Variants in DYNC2I2 observed in about 807,000 individuals in gnomAD.
DYNC2I2 encodes the protein dynein 2 intermediate chain 2.
A neutral mutation model predicts 52.0 loss-of-function variants in DYNC2I2; 39 were observed. That is an observed-to-expected ratio of 0.75 (90% CI 0.58 to 0.98). The LOEUF is 0.98. DYNC2I2 is among the 50% of genes least tolerant of loss of function. DYNC2I2 has a pLI of 0.00. For missense variants in DYNC2I2, 743 were observed against 728.4 expected, an observed-to-expected ratio of 1.02 and a Z score of -0.23; for synonymous variants, 359 against 321.1, an observed-to-expected ratio of 1.12 and a Z score of -1.26.
At chr9:128,661,750 A>G (rs539416428), upstream of DYNC2I2, among the ~76,000 whole-genome samples, 49 of 151,764 alleles carry the variant, frequency 3.2e-4, no homozygotes, top group African/African-American at 1.2e-3. Context: ...TGAATGTCTG[A>G]AAAAAAGCCG....
chr9:128,672,102 T>C, the DYNC2I2 span, among the ~76,000 whole-genome samples: 3 of 151,496 alleles, frequency 2.0e-5, no homozygotes, highest in Admixed American at 2.0e-4. Context: ...GCCTCCCGAG[T>C]AGCTGGGACT....
chr9:128,646,999 C>T (rs1250295683), intron 1 of DYNC2I2, among the ~76,000 whole-genome samples: 1 of 152,064 alleles, frequency 6.6e-6, no homozygotes, highest in African/African-American at 2.4e-5. Flanking sequence ...GTGGAGCGTG[C>T]CTGTAATCCC....
the DYNC2I2 span, among the ~76,000 whole-genome samples, chr9:128,668,238 C>T: frequency 8.9e-5 from 13 of 146,836 alleles, no homozygotes; most frequent in Admixed American, 1.4e-4. Flanking sequence ...GGATTACAGG[C>T]GTGAGCCACC....
chr9:128,682,706 C>T, the DYNC2I2 span, among the ~76,000 whole-genome samples: 80 of 138,318 alleles, frequency 5.8e-4, no homozygotes, highest in African/African-American at 2.0e-3. Context: ...GACGGAGTCT[C>T]GCTCTGTCGC....
In DYNC2I2 at chr9:128,656,622, T is replaced by G. The variant is rs1045358904; in HGVS notation, c.105A>C (p.Pro35=). The part of the protein sequence containing the change: ...GVASGPGPGR[P]GPLQDETLGV... ...CCAGGGTCTCGTCCTGCAGCGGCCC[T>G]GGCCGCCCCGGCCCCGGGCCGCTCG... is the stretch of plus-strand genomic sequence containing the variant. Residue 35 remains proline, a synonymous_variant, in exon 1 of 9, where the codon CCA becomes CCC. Transcript: ENST00000372715. The G allele has an allele frequency of 1.3e-6, 2 of 1,498,260 alleles. No individual in the cohort carries two copies. Among genetic ancestry groups the G allele is most frequent in the Non-Finnish European group, 1.8e-6 (2 of 1,131,592 alleles). 92.8% of individuals were successfully genotyped at this position (1,498,260 alleles called of 1,614,324 possible). A position where few individuals can be genotyped will look rare whatever the true frequency, so the allele number is the denominator to read the frequency against.
chr9:128,672,431 TG>T, the DYNC2I2 span, among the ~76,000 whole-genome samples: 1,636 of 150,628 alleles, frequency 0.011, 73 homozygotes, highest in East Asian at 0.16. Flanking sequence ...TGACCTCAGG[TG>T]ATGTGCCCGC....
At chr9:128,644,893 G>A (rs529403378) in intron 1 of DYNC2I2, among the ~76,000 whole-genome samples, 17 of 152,222 alleles carry the variant, frequency 1.1e-4, no homozygotes, top group African/African-American at 3.4e-4. Flanking sequence ...GATCTTTTAC[G>A]TTACTACAGT....
Position 128,656,744 on chromosome 9 carries a change from C to G in DYNC2I2, c.-18G>C. The G allele has an allele frequency of 7.4e-7, 1 of 1,354,956 alleles. No individual in the cohort carries two copies. The highest frequency in any genetic ancestry group is 9.5e-7 in the Non-Finnish European group (1 of 1,054,064). 83.9% of individuals were successfully genotyped at this position (1,354,956 alleles called of 1,614,324 possible). A position where few individuals can be genotyped will look rare whatever the true frequency, so the allele number is the denominator to read the frequency against. ...GTTGCCATGGAGACGGTTCCGCCCT[C>G]TCGTGCGGACGCACTCAGGCGCGAC... On this transcript the variant is annotated 5_prime_UTR_variant, in exon 1 of 9. Coordinates refer to ENST00000372715, the MANE Select transcript of DYNC2I2 (RefSeq NM_052844.4).
the DYNC2I2 span, chr9:128,683,357 T>TC: frequency 5.1e-6 from 1 of 197,274 alleles, no homozygotes; most frequent in African/African-American, 2.3e-5. Flanking sequence ...CATTAATCTA[T>TC]CCCTTCAAGC....
chr9:128,661,429 G>T (rs957799894), upstream of DYNC2I2, among the ~76,000 whole-genome samples: 5 of 151,874 alleles, frequency 3.3e-5, no homozygotes, highest in East Asian at 1.9e-4. Context: ...GACCAGCCTG[G>T]CCAACATGGT....
the DYNC2I2 span, among the ~76,000 whole-genome samples, chr9:128,662,552 A>G: frequency 1.8e-4 from 27 of 151,648 alleles, no homozygotes; most frequent in Admixed American, 1.8e-3. Context: ...CTGGGATTAC[A>G]GGCACCCGCC....
intron 1 of DYNC2I2, among the ~76,000 whole-genome samples, chr9:128,647,813 G>C (rs7036944): frequency 0.72 from 108,477 of 150,418 alleles, 42,673 homozygotes; most frequent in Non-Finnish European, 0.89. Context: ...GACATCCTTG[G>C]AGGGAATCAG....
Position 128,633,719 on chromosome 9 carries a change from G to A in DYNC2I2, c.*25C>T. The A allele has an allele frequency of 1.2e-6, 2 of 1,605,250 alleles. No individual in the cohort carries two copies. The highest frequency in any genetic ancestry group is 2.2e-5 in the South Asian group (2 of 90,618). On this transcript the variant is annotated 3_prime_UTR_variant, in exon 9 of 9. Coordinates refer to ENST00000372715, the MANE Select transcript of DYNC2I2 (RefSeq NM_052844.4). ...AAACACAAGGCTCGGCACAGCGAAG[G>A]CTTGCACCCGCCTCCCGGGACCCCT... is the stretch of plus-strand genomic sequence containing the variant.
Position 128,637,236 on chromosome 9 carries a change from G to C in DYNC2I2, c.436-209C>G, listed in dbSNP as rs149179845. Among the ~76,000 whole-genome samples, 958 of 152,338 alleles carry C rather than the reference G, an allele frequency of 6.3e-3. 12 individuals are homozygous for C. Among genetic ancestry groups the C allele is most frequent in the African/African-American group, 0.022 (900 of 41,582 alleles). ...CCAGAAGGCATGGCCTGAGAAGCAA[G>C]GCCGACCAGGCTCCCGCCCAGAGGG... On this transcript the variant is annotated intron_variant, in intron 2 of 8. Coordinates refer to ENST00000372715, the MANE Select transcript of DYNC2I2 (RefSeq NM_052844.4).
the DYNC2I2 span, chr9:128,684,031 T>C: frequency 3.3e-6 from 5 of 1,508,330 alleles, no homozygotes; most frequent in African/African-American, 5.6e-5. Flanking sequence ...CTAAGTTTTA[T>C]TGGAGATTTA....
At chr9:128,678,833 G>T in the DYNC2I2 span, among the ~76,000 whole-genome samples, 5 of 151,908 alleles carry the variant, frequency 3.3e-5, no homozygotes, top group African/African-American at 1.2e-4. Flanking sequence ...ACTTTGGGAG[G>T]TCGAGGCGAG....
intron 2 of DYNC2I2, among the ~76,000 whole-genome samples, chr9:128,637,590 G>A (rs935074238): frequency 7.9e-5 from 12 of 152,248 alleles, no homozygotes; most frequent in South Asian, 4.1e-4. Flanking sequence ...TTACAGGCGC[G>A]TGCCACCAAA....
rs772444402 is a variant in DYNC2I2, at chr9:128,636,287, C to T, written c.697G>A (p.Val233Ile). Residue 233 changes from valine to isoleucine, a missense_variant, in exon 4 of 9, where the codon GTC becomes ATC. Val to Ile is a conservative substitution (Grantham distance 29). Transcript: ENST00000372715. ...LAFHPTQPSH[V>I]AGGLYSGEVL... is the part of the protein sequence containing the mutation. The stretch of plus-strand genomic sequence containing the variant: ...GACACAGCAGGCAGCTCACCTGCGA[C>T]GTGGGAGGGCTGCGTGGGGTGGAAG... The T allele has an allele frequency of 1.8e-5, 29 of 1,568,764 alleles. No individual in the cohort carries two copies. In the South Asian group the frequency reaches 2.7e-4, roughly 15 times the overall value.
the DYNC2I2 span, among the ~76,000 whole-genome samples, chr9:128,682,296 C>T: frequency 1.3e-5 from 2 of 151,946 alleles, no homozygotes; most frequent in African/African-American, 4.8e-5. Context: ...GATCCACCCG[C>T]ATCAGCCTCC....
Sources: allele counts gnomAD v4.1 joint callset (sites outside exome capture counted in the v4.1 genomes callset), GRCh38; gene constraint gnomAD v4.1.1; transcripts MANE v1.5; gene names NCBI Gene and HGNC (gene_info 2026-07-23, HGNC 2026-07-21).